The following FOXJ3 variants were observed in gnomAD, a reference collection of about 807,000 sequenced individuals.
FOXJ3 encodes the protein forkhead box J3.
FOXJ3 carries 22 observed loss-of-function variants against 76.1 expected under a neutral mutation model. The observed-to-expected ratio is 0.29, with a 90% confidence interval of 0.21 to 0.41. The LOEUF is 0.41. Among genes scored for constraint, FOXJ3 ranks in the 10% least tolerant of loss-of-function variants. The pLI is 1.00. For synonymous variants in FOXJ3, 269 were observed against 261.2 expected (o/e 1.03, Z -0.29); for missense variants, 613 against 762.1 (o/e 0.80, Z 2.30).
At chr1:42,239,484 A>ATCT (rs1308443108) in intron 4 of FOXJ3, among the ~76,000 whole-genome samples, 1 of 152,114 alleles carries the variant, frequency 6.6e-6, no homozygotes, top group Non-Finnish European at 1.5e-5. Context: ...TTTTTTAGCT[A>ATCT]TCTTCTACTC....
intron 7 of FOXJ3, among the ~76,000 whole-genome samples, chr1:42,195,694 G>A (rs886950861): frequency 1.2e-4 from 19 of 152,202 alleles, no homozygotes; most frequent in African/African-American, 4.6e-4. Flanking sequence ...TTTGTTTAGT[G>A]TTTTGAAAAA....
chr1:42,190,290 G>GGGCT (rs1332657960), intron 9 of FOXJ3, among the ~76,000 whole-genome samples: 4 of 152,166 alleles, frequency 2.6e-5, no homozygotes, highest in Non-Finnish European at 5.9e-5. Context: ...CCAATAAAAA[G>GGGCT]GGCTGGTTGG....
intron 1 of FOXJ3, among the ~76,000 whole-genome samples, chr1:42,317,514 T>TAAAAAAAA (rs11365048): frequency 9.4e-6 from 1 of 106,398 alleles, no homozygotes; most frequent in Non-Finnish European, 1.9e-5. Flanking sequence ...AGAGAAACCA[T>TAAAAAAAA]AAAAAAAAAA....
intron 2 of FOXJ3, among the ~76,000 whole-genome samples, chr1:42,298,507 A>C (rs1653932404): frequency 6.6e-6 from 1 of 152,116 alleles, no homozygotes. Context: ...CTGTGGTGTC[A>C]GGTGTAATGC....
intron 7 of FOXJ3, among the ~76,000 whole-genome samples, chr1:42,197,671 TA>T (rs531308196): frequency 1.3e-3 from 181 of 144,422 alleles, no homozygotes; most frequent in Admixed American, 1.2e-3. Context: ...TTTTTTTCTT[TA>T]AAAAAAAAAA....
chr1:42,300,982 A>C (rs1275798223), intron 2 of FOXJ3, among the ~76,000 whole-genome samples: 4 of 152,120 alleles, frequency 2.6e-5, no homozygotes, highest in Non-Finnish European at 4.4e-5. Context: ...CAGTCTGATG[A>C]CTATATGCTT....
At position 42,333,805 on chromosome 1, in the gene FOXJ3, G is replaced by C. The variant is rs183735895; in HGVS notation, c.-18+1254C>G. On this transcript the variant is annotated intron_variant, in intron 1 of 12. Coordinates refer to ENST00000361346, the MANE Select transcript of FOXJ3 (RefSeq NM_014947.5). ...TACTCAACAGAGTAAGAGGAAAAGTGAAGTAAAAGAGCTTCTACAAAATAA... is the reference window on the plus strand; with the variant it reads ...TACTCAACAGAGTAAGAGGAAAAGTCAAGTAAAAGAGCTTCTACAAAATAA... Among the ~76,000 whole-genome samples, 52 of 152,288 alleles carry C rather than the reference G, an allele frequency of 3.4e-4. 1 individual carries two copies. The East Asian group carries it at 8.3e-3, about 24-fold the overall frequency.
At chr1:42,193,993 T>C (rs1646601150) in intron 8 of FOXJ3, among the ~76,000 whole-genome samples, 1 of 152,216 alleles carries the variant, frequency 6.6e-6, no homozygotes, top group Admixed American at 6.5e-5. Flanking sequence ...GCATCATTTA[T>C]GATGTACAAG....
Position 42,179,291 on chromosome 1 carries a change from C to G in FOXJ3, c.*419G>C, listed in dbSNP as rs2124081625. 1 of 152,974 alleles carries G rather than the reference C, an allele frequency of 6.5e-6. No homozygotes were observed. The highest frequency in any genetic ancestry group is 1.9e-4 in the East Asian group (1 of 5,194). 9.5% of individuals were successfully genotyped at this position (152,974 alleles called of 1,614,324 possible). Reference sequence around the variant, plus strand: ...AGGAATAAAAACTGACAATAACTTTCAAGACATAATAATCCAATTAGAAAA... The same window carrying G: ...AGGAATAAAAACTGACAATAACTTTGAAGACATAATAATCCAATTAGAAAA... On this transcript the variant is annotated 3_prime_UTR_variant, in exon 13 of 13. Coordinates refer to ENST00000361346, the MANE Select transcript of FOXJ3 (RefSeq NM_014947.5).
chr1:42,203,987 T>G (rs368051119), intron 6 of FOXJ3, among the ~76,000 whole-genome samples: 1 of 130,894 alleles, frequency 7.6e-6, no homozygotes, highest in Non-Finnish European at 1.7e-5. Flanking sequence ...CACAGTGAGA[T>G]CCTGTCTCAA....
At chr1:42,330,041 C>T (rs1028303609) in intron 1 of FOXJ3, among the ~76,000 whole-genome samples, 1 of 152,046 alleles carries the variant, frequency 6.6e-6, no homozygotes, top group African/African-American at 2.4e-5. Context: ...TGTAAAACTA[C>T]CGTATTTATA....
chr1:42,182,193 G>A (rs760892165), intron 11 of FOXJ3, among the ~76,000 whole-genome samples, 169 bp from the exon 12 acceptor site: 102 of 152,302 alleles, frequency 6.7e-4, no homozygotes, highest in Non-Finnish European at 1.4e-3. Flanking sequence ...TGTGGTCTTG[G>A]CCTTTTGAAC....
chr1:42,254,927 C>T (rs888935665), intron 4 of FOXJ3, among the ~76,000 whole-genome samples: 38 of 150,040 alleles, frequency 2.5e-4, no homozygotes, highest in Non-Finnish European at 4.3e-4. Flanking sequence ...AACTAACCTG[C>T]ACATTGTGCA....
At position 42,293,282 on chromosome 1, in the gene FOXJ3, C is replaced by CAA. The variant is rs5773765; in HGVS notation, c.45-14612_45-14611dup. On this transcript the variant is annotated intron_variant, in intron 2 of 12. Coordinates refer to ENST00000361346, the MANE Select transcript of FOXJ3 (RefSeq NM_014947.5). ...AAAATTTAAAACTTTCTTGCTCTAA[C>CAA]AAAAAAAAAACTTGTATCCAGAGTA... Among the ~76,000 whole-genome samples the CAA allele has an allele frequency of 3.5e-3, 523 of 149,086 alleles. 4 individuals carry two copies. Among genetic ancestry groups the CAA allele is most frequent in the African/African-American group, 0.012 (472 of 40,642 alleles).
At chr1:42,309,660 T>G (rs1238774735) in intron 2 of FOXJ3, among the ~76,000 whole-genome samples, 1 of 152,218 alleles carries the variant, frequency 6.6e-6, no homozygotes, top group Non-Finnish European at 1.5e-5. Context: ...CTGACAACAG[T>G]AGATGCTCAA....
chr1:42,206,010 T>C (rs753374086), intron 5 of FOXJ3, 147 bp from the exon 6 acceptor site: 17 of 587,908 alleles, frequency 2.9e-5, no homozygotes, highest in Non-Finnish European at 4.5e-5. Flanking sequence ...AAATCTCTTC[T>C]ACTAAATTTT....
intron 1 of FOXJ3, among the ~76,000 whole-genome samples, chr1:42,333,819 T>A (rs1199891240): frequency 6.6e-6 from 1 of 152,142 alleles, no homozygotes; most frequent in Non-Finnish European, 1.5e-5. Flanking sequence ...TAAAAGAGCT[T>A]CTACAAAATA....
chr1:42,290,189 G>T (rs1242442127), intron 2 of FOXJ3, among the ~76,000 whole-genome samples: 3 of 152,006 alleles, frequency 2.0e-5, no homozygotes, highest in African/African-American at 7.2e-5. Context: ...AAAAATTAGA[G>T]GACTACACCA....
rs1011969132 is a variant in FOXJ3, at chr1:42,215,755, A to T, written c.529-9892T>A. Among the ~76,000 whole-genome samples the T allele has an allele frequency of 1.1e-4, 16 of 152,336 alleles. No individual in the cohort carries two copies. In the South Asian group the frequency reaches 3.3e-3, roughly 32 times the overall value. On this transcript the variant is annotated intron_variant, in intron 5 of 12. Coordinates refer to ENST00000361346, the MANE Select transcript of FOXJ3 (RefSeq NM_014947.5). ...AACATCGACTAGGAAATGACTGTGG[A>T]TTTCTCATCAGAAATGATGGAGGTC...
Sources: gnomAD v4.1 joint callset for allele counts (sites outside exome capture counted in the v4.1 genomes callset) on GRCh38, gnomAD v4.1.1 for gene constraint, MANE v1.5 for transcripts, NCBI Gene and HGNC (gene_info 2026-07-23, HGNC 2026-07-21) for gene names.